ANK3: variants seen among roughly 807,000 people sequenced by gnomAD.
ANK3 encodes ankyrin-3.
A neutral mutation model predicts 370.9 loss-of-function variants in ANK3; 57 were observed. That is an observed-to-expected ratio of 0.15 (90% CI 0.12 to 0.19). The LOEUF (loss-of-function observed/expected upper bound fraction) is 0.19, where lower values mean the gene tolerates loss of function less well. ANK3 is among the 10% of genes least tolerant of loss of function. ANK3 has a pLI of 1.00. For missense variants in ANK3, 4,439 were observed against 5,302.1 expected (o/e 0.84, Z 5.06); for synonymous variants, 1,929 against 1,946.3 (o/e 0.99, Z 0.23).
chr10:60,234,796 A>G lies in ANK3; in HGVS notation c.799-10T>C. On this transcript the variant is annotated splice_polypyrimidine_tract_variant and intron_variant, in intron 7 of 43. Coordinates refer to ENST00000280772, the MANE Select transcript of ANK3 (RefSeq NM_020987.5). ...AAGGAGTGATGTCATTCTGGGAAGA[A>G]GAGGAAAAAGTACAGATTTGATATT... is the stretch of plus-strand genomic sequence containing the variant. 1 of 1,570,352 alleles carries G rather than the reference A, an allele frequency of 6.4e-7. No individual in the cohort carries two copies. Among genetic ancestry groups the G allele is most frequent in the African/African-American group, 1.3e-5 (1 of 74,152 alleles).
intron 1 of ANK3, among the ~76,000 whole-genome samples, chr10:60,726,645 TG>T (rs2079945181): frequency 6.6e-6 from 1 of 152,162 alleles, no homozygotes; most frequent in Non-Finnish European, 1.5e-5. Flanking sequence ...GTTTTGTTTT[TG>T]TTTTTTTCTT....
chr10:60,042,900 C>A, intron 42 of ANK3, 141 bp from the exon 43 acceptor site: 1 of 1,482,342 alleles, frequency 6.7e-7, no homozygotes. Context: ...AAAATACGTA[C>A]AATCTTTAGC....
intron 2 of ANK3, among the ~76,000 whole-genome samples, chr10:60,459,672 A>C (rs985675879): frequency 1.2e-4 from 19 of 152,232 alleles, no homozygotes; most frequent in Non-Finnish European, 2.6e-4. Context: ...AAGATTTCCC[A>C]GTCTTTCTCA....
rs985408933 is a variant in ANK3 at position 60,572,516 on chromosome 10, T to C, written c.96+42670A>G. ...CAGGTTTTGCATTTTTCTCCTTTGG[T>C]TCTTCACTCATCTTTCCTTTAAATC... On this transcript the variant is annotated intron_variant, in intron 2 of 43. Coordinates refer to the ANK3 transcript ENST00000373827. 6 of 1,535,802 alleles carry C rather than the reference T, an allele frequency of 3.9e-6. No homozygotes were observed. In the Admixed American group the frequency reaches 5.9e-5, roughly 15 times the overall value.
In ANK3 at chr10:60,217,360, T is replaced by C. The variant is rs114000481; in HGVS notation, c.898-3850A>G. ...TTTAATTGTGATATTAGGGTGTCGA[T>C]CTGAGATCTTTCAAGCTTTCTGATG... On this transcript the variant is annotated intron_variant, in intron 8 of 43. Transcript: ENST00000280772. Among the ~76,000 whole-genome samples the C allele has an allele frequency of 4.0e-3, 612 of 152,304 alleles. 8 individuals carry two copies. Among genetic ancestry groups the C allele is most frequent in the Middle Eastern group, 0.017 (5 of 294 alleles).
chr10:60,483,998 C>T (rs1467547136), intron 2 of ANK3, among the ~76,000 whole-genome samples: 2 of 152,230 alleles, frequency 1.3e-5, no homozygotes, highest in African/African-American at 4.8e-5. Context: ...GGAGCCTGGA[C>T]TTCCACCTTC....
intron 2 of ANK3, among the ~76,000 whole-genome samples, chr10:60,470,090 C>T (rs1375281313): frequency 6.6e-6 from 1 of 152,100 alleles, no homozygotes; most frequent in Non-Finnish European, 1.5e-5. Flanking sequence ...CAATAATCTT[C>T]CGTGTCAGTC....
At chr10:60,625,192 C>T (rs192846188) in intron 1 of ANK3, among the ~76,000 whole-genome samples, 1 of 151,998 alleles carries the variant, frequency 6.6e-6, no homozygotes, top group Admixed American at 6.6e-5. Flanking sequence ...AGGGGAACAC[C>T]GAGGCACCAG....
At chr10:60,619,816 A>G (rs576932911) in intron 1 of ANK3, among the ~76,000 whole-genome samples, 1 of 152,206 alleles carries the variant, frequency 6.6e-6, no homozygotes, top group Non-Finnish European at 1.5e-5. Context: ...ACTGATGCCT[A>G]CAGTCTCCAG....
At chr10:60,662,072 A>G (rs2078942276) in intron 1 of ANK3, among the ~76,000 whole-genome samples, 1 of 152,182 alleles carries the variant, frequency 6.6e-6, no homozygotes, top group Non-Finnish European at 1.5e-5. Context: ...AGAATATATC[A>G]AAAAAGAATA....
chr10:60,502,988 C>G (rs999973637), intron 2 of ANK3, among the ~76,000 whole-genome samples: 1 of 151,982 alleles, frequency 6.6e-6, no homozygotes, highest in African/African-American at 2.4e-5. Context: ...AGCATACTCT[C>G]TGGTTCAATT....
intron 28 of ANK3, among the ~76,000 whole-genome samples, chr10:60,102,304 C>T (rs996533756): frequency 1.3e-5 from 2 of 151,922 alleles, no homozygotes; most frequent in African/African-American, 2.4e-5. Context: ...ACAACTTACA[C>T]GGCAGTTGTG....
At chr10:60,116,771 C>T (rs1381918113) in intron 25 of ANK3, among the ~76,000 whole-genome samples, 2 of 82,798 alleles carry the variant, frequency 2.4e-5, no homozygotes, top group South Asian at 3.8e-4. Context: ...AAAAGAAGTC[C>T]TAGAAAGAAA....
intron 28 of ANK3, among the ~76,000 whole-genome samples, chr10:60,088,980 G>A (rs2087444535): frequency 6.6e-6 from 1 of 152,084 alleles, no homozygotes; most frequent in African/African-American, 2.4e-5. Flanking sequence ...CCCCCAAGCT[G>A]CCAAAAGTAG....
chr10:60,146,831 T>G (rs2094852257), intron 23 of ANK3, among the ~76,000 whole-genome samples: 1 of 152,172 alleles, frequency 6.6e-6, no homozygotes, highest in African/African-American at 2.4e-5. Flanking sequence ...GCCTAGAGAA[T>G]CCAAATGACA....
chr10:60,385,839 C>A (rs772146106), intron 1 of ANK3, among the ~76,000 whole-genome samples: 2 of 152,100 alleles, frequency 1.3e-5, no homozygotes, highest in Non-Finnish European at 2.9e-5. Context: ...TAAATATATA[C>A]AAGCATGTAT....
intron 1 of ANK3, among the ~76,000 whole-genome samples, chr10:60,719,503 A>G (rs2079834074): frequency 6.6e-6 from 1 of 152,134 alleles, no homozygotes; most frequent in South Asian, 2.1e-4. Context: ...TATCCTCAAC[A>G]TTATAAAGAT....
intron 21 of ANK3, among the ~76,000 whole-genome samples, chr10:60,172,085 T>C (rs956898233): frequency 4.6e-5 from 7 of 152,242 alleles, no homozygotes; most frequent in Admixed American, 6.5e-5. Context: ...AAAAACTCTA[T>C]AGCTACAGAT....
chr10:60,056,394 G>A (rs374437118), intron 41 of ANK3, among the ~76,000 whole-genome samples: 18 of 152,162 alleles, frequency 1.2e-4, no homozygotes, highest in South Asian at 4.2e-4. Context: ...GCTTGAACCC[G>A]GGAGGTGGAG....
Sources: gnomAD v4.1 joint callset for allele counts (sites outside exome capture counted in the v4.1 genomes callset) on GRCh38, gnomAD v4.1.1 for gene constraint, MANE v1.5 for transcripts, NCBI Gene and HGNC (gene_info 2026-07-23, HGNC 2026-07-21) for gene names.